ZFHX3: variants seen among roughly 807,000 people sequenced by gnomAD.
ZFHX3 encodes the protein zinc finger homeobox 3.
In ZFHX3, 42 loss-of-function variants were observed where a neutral mutation model predicts 279.1. That is an observed-to-expected ratio of 0.15 (90% CI 0.12 to 0.19). ZFHX3 has a LOEUF of 0.19. Ranked by LOEUF, ZFHX3 falls within the 10% of genes least tolerant of loss-of-function variation. The pLI is 1.00. For missense variants in ZFHX3, 4,981 were observed against 4,754.0 expected (o/e 1.05, Z -1.40); for synonymous variants, 2,293 against 1,957.8 (o/e 1.17, Z -4.52).
intron 1 of ZFHX3, among the ~76,000 whole-genome samples, chr16:73,749,192 T>C (rs1207552818): frequency 3.3e-5 from 5 of 152,180 alleles, no homozygotes; most frequent in African/African-American, 1.2e-4. Context: ...TACCTGGCCA[T>C]GCCCTTTCCC....
At chr16:73,334,176 C>G (rs1054907405) in intron 3 of ZFHX3, among the ~76,000 whole-genome samples, 11 of 152,138 alleles carry the variant, frequency 7.2e-5, no homozygotes, top group African/African-American at 2.7e-4. Flanking sequence ...AGGAGGACAG[C>G]GTTCTAGGAA....
chr16:73,093,153 G>A (rs766497938), intron 8 of ZFHX3: 3 of 520,002 alleles, frequency 5.8e-6, no homozygotes, highest in African/African-American at 3.8e-5. Flanking sequence ...TGCAAACCAC[G>A]AGCCCTCACC....
intron 3 of ZFHX3, among the ~76,000 whole-genome samples, chr16:73,384,256 T>C (rs1363937771): frequency 1.3e-5 from 2 of 152,250 alleles, no homozygotes; most frequent in Non-Finnish European, 2.9e-5. Flanking sequence ...TGGGCTGTTT[T>C]TGAGCTGTTA....
At chr16:73,667,159 T>C (rs1329247412) in intron 2 of ZFHX3, among the ~76,000 whole-genome samples, 1 of 151,824 alleles carries the variant, frequency 6.6e-6, no homozygotes, top group African/African-American at 2.4e-5. Context: ...GCCCGGCTAA[T>C]TTTTGTATTT....
At chr16:73,765,970 T>G (rs1466241852) in intron 1 of ZFHX3, among the ~76,000 whole-genome samples, 2 of 152,314 alleles carry the variant, frequency 1.3e-5, no homozygotes, top group Admixed American at 6.5e-5. Context: ...TCAGTTCATT[T>G]CAATACAGTT....
chr16:73,216,700 T>G (rs1183277697), intron 5 of ZFHX3, among the ~76,000 whole-genome samples: 1 of 152,062 alleles, frequency 6.6e-6, no homozygotes, highest in Non-Finnish European at 1.5e-5. Context: ...GAGGCTGAGC[T>G]TGCGGTGAGC....
intron 3 of ZFHX3, among the ~76,000 whole-genome samples, chr16:73,353,067 G>A (rs1367357443): frequency 3.3e-5 from 5 of 152,182 alleles, no homozygotes; most frequent in Non-Finnish European, 5.9e-5. Context: ...CACACAGGCA[G>A]TGACAATGAA....
chr16:73,058,726 C>CGGAGCT (rs1442096179), exon 1 of ZFHX3: 1 of 151,432 alleles, frequency 6.6e-6, no homozygotes, highest in South Asian at 2.2e-4. Flanking sequence ...GCGGCGGCGG[C>CGGAGCT]GGAGCTGGAG....
At chr16:73,149,684 C>T (rs979397618) in intron 5 of ZFHX3, among the ~76,000 whole-genome samples, 1 of 152,322 alleles carries the variant, frequency 6.6e-6, no homozygotes, top group South Asian at 2.1e-4. Flanking sequence ...ATTAATTTTT[C>T]AACTAGCAGT....
At chr16:73,101,488 C>T (rs1010358978) in intron 7 of ZFHX3, among the ~76,000 whole-genome samples, 5 of 152,146 alleles carry the variant, frequency 3.3e-5, no homozygotes, top group African/African-American at 1.2e-4. Context: ...GAGCAATTCT[C>T]CTGCCTCAGC....
At chr16:73,328,577 G>C (rs2015738691) in intron 3 of ZFHX3, among the ~76,000 whole-genome samples, 1 of 152,170 alleles carries the variant, frequency 6.6e-6, no homozygotes, top group South Asian at 2.1e-4. Context: ...CACATAGCTA[G>C]AAGTTAACGA....
chr16:73,885,722 TA>T (rs1236705114), intron 1 of ZFHX3, among the ~76,000 whole-genome samples: 1 of 152,142 alleles, frequency 6.6e-6, no homozygotes, highest in African/African-American at 2.4e-5. Flanking sequence ...ATCTGTGACT[TA>T]AAAGGAGGTT....
At chr16:72,885,246 A>G (rs894814651) in intron 4 of ZFHX3, among the ~76,000 whole-genome samples, 1 of 152,276 alleles carries the variant, frequency 6.6e-6, no homozygotes, top group African/African-American at 2.4e-5. Flanking sequence ...ACATGGGCAC[A>G]GAAGCCTAAC....
intron 5 of ZFHX3, among the ~76,000 whole-genome samples, chr16:73,237,163 G>A (rs1183044715): frequency 2.0e-5 from 3 of 152,166 alleles, no homozygotes; most frequent in Non-Finnish European, 4.4e-5. Flanking sequence ...CAGGTCTTCT[G>A]GGTCTTAATC....
intron 7 of ZFHX3, chr16:73,125,178 G>T (rs1405397894): frequency 6.7e-6 from 1 of 149,512 alleles, no homozygotes; most frequent in Non-Finnish European, 1.5e-5. Context: ...AGCTGTGGGT[G>T]GCAGAAGAGG....
chr16:73,782,482 C>T (rs1039962842), intron 1 of ZFHX3, among the ~76,000 whole-genome samples: 4 of 152,174 alleles, frequency 2.6e-5, no homozygotes, highest in South Asian at 2.1e-4. Flanking sequence ...ACTTGAAGGA[C>T]GCTTCAAGCC....
intron 1 of ZFHX3, among the ~76,000 whole-genome samples, chr16:72,981,127 C>G (rs2144541320): frequency 6.6e-6 from 1 of 152,228 alleles, no homozygotes; most frequent in Admixed American, 6.5e-5. Flanking sequence ...CCAGGCCGGG[C>G]CCCAGCTATC....
intron 1 of ZFHX3, among the ~76,000 whole-genome samples, chr16:73,030,573 G>A (rs533402849): frequency 3.9e-5 from 6 of 152,120 alleles, no homozygotes; most frequent in African/African-American, 7.2e-5. Flanking sequence ...ATTGACTCAC[G>A]CAATGCCTCT....
In ZFHX3 at chr16:72,786,598, A is replaced by C. The variant is rs1291967147; in HGVS notation, c.*566T>G. On this transcript the variant is annotated 3_prime_UTR_variant, in exon 10 of 10. Transcript: ENST00000268489. ...CTTTTCTGGAACAAAAAAAAAAAAA[A>C]AAACTGAAAAAACAATAATATATAA... is the stretch of plus-strand genomic sequence containing the variant. The C allele has an allele frequency of 6.6e-6, 1 of 151,816 alleles. No homozygotes were observed. Among genetic ancestry groups the C allele is most frequent in the Non-Finnish European group, 1.5e-5 (1 of 67,842 alleles). 9.4% of individuals were successfully genotyped at this position (151,816 alleles called of 1,614,324 possible).
Sources: gnomAD v4.1 joint callset for allele counts (sites outside exome capture counted in the v4.1 genomes callset) on GRCh38, gnomAD v4.1.1 for gene constraint, MANE v1.5 for transcripts, NCBI Gene and HGNC (gene_info 2026-07-23, HGNC 2026-07-21) for gene names.